The following LRP1B variants were observed in gnomAD, a reference collection of about 807,000 sequenced individuals.
The protein encoded by LRP1B is low-density lipoprotein receptor-related protein 1B.
A neutral mutation model predicts 556.6 loss-of-function variants in LRP1B; 217 were observed. The ratio of observed to expected loss-of-function variants is 0.39; its 90% confidence interval spans 0.35 to 0.44. The LOEUF is 0.44. Among genes scored for constraint, LRP1B ranks in the 20% least tolerant of loss-of-function variants. The pLI, the probability that LRP1B is intolerant of heterozygous loss-of-function variation, is 1.00. For synonymous variants in LRP1B, 2,047 were observed against 1,865.8 expected, an observed-to-expected ratio of 1.10 and a Z score of -2.50; for missense variants, 5,053 against 5,620.8, an observed-to-expected ratio of 0.90 and a Z score of 3.23.
chr2:140,266,747 C>T lies in LRP1B; in HGVS notation c.13247+3495G>A, dbSNP rs199984234. On this transcript the variant is annotated intron_variant, in intron 86 of 90. Coordinates refer to ENST00000389484, the MANE Select transcript of LRP1B (RefSeq NM_018557.3). ...AAAATACTGTGAACATGTCTCTTCA[C>T]GTATAAAGCCTCCCACTCTCCCACA... Among the ~76,000 whole-genome samples, 33 of 152,046 alleles carry T rather than the reference C, an allele frequency of 2.2e-4. No individual in the cohort carries two copies. In the East Asian group the frequency reaches 4.3e-3, roughly 20 times the overall value.
intron 21 of LRP1B, among the ~76,000 whole-genome samples, chr2:140,915,951 C>A (rs1387228061): frequency 6.6e-6 from 1 of 151,786 alleles, no homozygotes; most frequent in Non-Finnish European, 1.5e-5. Context: ...TGGTGTGAAC[C>A]CAGGAGACAG....
chr2:140,809,222 A>G (rs1165170636), intron 32 of LRP1B, among the ~76,000 whole-genome samples: 1 of 152,112 alleles, frequency 6.6e-6, no homozygotes, highest in Non-Finnish European at 1.5e-5. Flanking sequence ...CCTATATAGT[A>G]GGTTAGTTTG....
intron 11 of LRP1B, among the ~76,000 whole-genome samples, chr2:141,043,735 T>C (rs1461272944): frequency 6.6e-6 from 1 of 151,972 alleles, no homozygotes; most frequent in Non-Finnish European, 1.5e-5. Flanking sequence ...CATGTAACAA[T>C]AAATTGAATA....
chr2:141,168,005 G>A (rs1458246638), intron 7 of LRP1B, among the ~76,000 whole-genome samples: 4 of 151,990 alleles, frequency 2.6e-5, no homozygotes, highest in Admixed American at 2.0e-4. Flanking sequence ...AAATGAAGAT[G>A]TATCTATTAA....
chr2:141,798,705 CAAAAAAAAAAAA>C lies in LRP1B; in HGVS notation c.205+11562_205+11573del, dbSNP rs151310050. Among the ~76,000 whole-genome samples the C allele has an allele frequency of 6.4e-5, 4 of 62,108 alleles. 1 individual carries two copies. The highest frequency in any genetic ancestry group is 3.0e-5 in the Non-Finnish European group (1 of 33,746). The allele number at this position is 62,108 out of a possible 152,430, so 40.7% of individuals were successfully genotyped here. On this transcript the variant is annotated intron_variant, in intron 2 of 90. Coordinates refer to ENST00000389484, the MANE Select transcript of LRP1B (RefSeq NM_018557.3). The stretch of plus-strand genomic sequence containing the variant: ...CTGGCAACAGAGTAAGACTCTGTCT[CAAAAAAAAAAAA>C]AAAAAAAAAAAAGAATATATTTTAA...
At chr2:140,531,991 T>G (rs1273817492) in intron 47 of LRP1B, among the ~76,000 whole-genome samples, 1 of 152,122 alleles carries the variant, frequency 6.6e-6, no homozygotes, top group Admixed American at 6.6e-5. Flanking sequence ...ATGCAATCAT[T>G]ACTCCACACT....
At chr2:141,621,552 T>C (rs1321692863) in intron 2 of LRP1B, among the ~76,000 whole-genome samples, 1 of 152,210 alleles carries the variant, frequency 6.6e-6, no homozygotes, top group Non-Finnish European at 1.5e-5. Context: ...AAACTAATCA[T>C]GGAACTGCTT....
intron 2 of LRP1B, among the ~76,000 whole-genome samples, chr2:141,512,074 C>G (rs959671653): frequency 6.6e-6 from 1 of 152,114 alleles, no homozygotes; most frequent in African/African-American, 2.4e-5. Context: ...CCCCTCTTTA[C>G]TACAGAAGAG....
chr2:140,313,526 T>G (rs2105032948), intron 83 of LRP1B, among the ~76,000 whole-genome samples: 1 of 151,972 alleles, frequency 6.6e-6, no homozygotes, highest in South Asian at 2.1e-4. Flanking sequence ...AATTGTTTAC[T>G]TGGCCTAAAT....
chr2:140,944,197 A>C (rs1695478784), intron 20 of LRP1B, among the ~76,000 whole-genome samples: 1 of 152,122 alleles, frequency 6.6e-6, no homozygotes, highest in African/African-American at 2.4e-5. Flanking sequence ...TTGGAAACAC[A>C]CAACTTCCTA....
intron 1 of LRP1B, among the ~76,000 whole-genome samples, chr2:141,888,914 A>G (rs1459554486): frequency 6.6e-6 from 1 of 152,136 alleles, no homozygotes; most frequent in Non-Finnish European, 1.5e-5. Context: ...AGCCAGGGAT[A>G]TTTTCTTCAG....
At chr2:140,457,715 A>T (rs2105324633) in intron 60 of LRP1B, 64 bp from the exon 61 acceptor site, 1 of 1,305,118 alleles carries the variant, frequency 7.7e-7, no homozygotes, top group Non-Finnish European at 1.1e-6. Context: ...AATATTCAAT[A>T]CTACATGGGC....
At chr2:142,090,261 A>G (rs1706114534) in intron 1 of LRP1B, among the ~76,000 whole-genome samples, 1 of 152,152 alleles carries the variant, frequency 6.6e-6, no homozygotes, top group Non-Finnish European at 1.5e-5. Context: ...TATCACCAGT[A>G]AACAATAATG....
At chr2:140,579,530 A>T (rs1681673674) in intron 43 of LRP1B, among the ~76,000 whole-genome samples, 2 of 152,110 alleles carry the variant, frequency 1.3e-5, no homozygotes, top group Admixed American at 1.3e-4. Flanking sequence ...GCCCTTGGAG[A>T]GACATCTTTA....
chr2:140,292,980 C>T (rs1395153265), intron 84 of LRP1B, among the ~76,000 whole-genome samples: 1 of 152,116 alleles, frequency 6.6e-6, no homozygotes, highest in Non-Finnish European at 1.5e-5. Flanking sequence ...CTGTCAGGTA[C>T]TTCTAACTCT....
chr2:142,052,533 A>G (rs964250377), intron 1 of LRP1B, among the ~76,000 whole-genome samples: 21 of 152,192 alleles, frequency 1.4e-4, no homozygotes, highest in African/African-American at 4.6e-4. Context: ...ATCTTACTTA[A>G]TATGTCATGT....
chr2:140,399,047 G>T (rs554496998), intron 66 of LRP1B, among the ~76,000 whole-genome samples: 1 of 152,030 alleles, frequency 6.6e-6, no homozygotes, highest in African/African-American at 2.4e-5. Context: ...GTGCTAATGA[G>T]TCCGATTGAA....
intron 3 of LRP1B, among the ~76,000 whole-genome samples, chr2:141,441,868 G>A (rs1040655603): frequency 1.3e-5 from 2 of 152,158 alleles, no homozygotes; most frequent in Admixed American, 6.5e-5. Flanking sequence ...AAATCAATTT[G>A]TCAGGACATT....
intron 3 of LRP1B, among the ~76,000 whole-genome samples, chr2:141,473,334 T>G (rs374916736): frequency 6.6e-6 from 1 of 152,188 alleles, no homozygotes; most frequent in South Asian, 2.1e-4. Context: ...AATCCTAATT[T>G]CATGTAGGTG....
Sources: allele counts gnomAD v4.1 joint callset (sites outside exome capture counted in the v4.1 genomes callset), GRCh38; gene constraint gnomAD v4.1.1; transcripts MANE v1.5; gene names NCBI Gene and HGNC (gene_info 2026-07-23, HGNC 2026-07-21).